The following AHRR variants were observed in gnomAD, a reference collection of about 807,000 sequenced individuals.
The protein encoded by AHRR is ahR repressor.
Under a neutral mutation model 44.0 loss-of-function variants are expected in AHRR, and 28 were observed. The ratio of observed to expected loss-of-function variants is 0.64; its 90% CI spans 0.47 to 0.87. The LOEUF is 0.87. Among genes scored for constraint, AHRR ranks in the 40% least tolerant of loss-of-function variants. The probability of loss-of-function intolerance (pLI) is 0.00; values close to 1 mark genes in which losing one functional copy is unlikely to be tolerated. For synonymous variants in AHRR, 434 were observed against 407.0 expected (o/e 1.07, Z -0.80); for missense variants, 990 against 953.9 (o/e 1.04, Z -0.50).
intron 3 of AHRR, among the ~76,000 whole-genome samples, chr5:362,749 A>G (rs1466506133): frequency 6.6e-6 from 1 of 152,050 alleles, no homozygotes; most frequent in East Asian, 1.9e-4. Flanking sequence ...TACTTTTCCT[A>G]CCTCTTTTAA....
At chr5:334,902 C>G (rs1189151134) in intron 1 of AHRR, among the ~76,000 whole-genome samples, 4 of 152,058 alleles carry the variant, frequency 2.6e-5, no homozygotes, top group Admixed American at 1.3e-4. Context: ...GGGTAGGGCC[C>G]TTTGGATTTA....
At chr5:381,490 T>C (rs141641381) in intron 4 of AHRR, among the ~76,000 whole-genome samples, 2 of 150,224 alleles carry the variant, frequency 1.3e-5, no homozygotes, top group African/African-American at 4.9e-5. Context: ...ACATTAAATA[T>C]ATTAGCTTAG....
intron 4 of AHRR, among the ~76,000 whole-genome samples, chr5:396,873 G>C (rs57833419): frequency 0.091 from 13,720 of 150,178 alleles, 2,010 homozygotes; most frequent in African/African-American, 0.31. Flanking sequence ...AGCTGGGTCA[G>C]AGTGCCCGGC....
chr5:407,380 C>T (rs750377689), intron 4 of AHRR, among the ~76,000 whole-genome samples: 5 of 152,204 alleles, frequency 3.3e-5, no homozygotes, highest in African/African-American at 9.6e-5. Context: ...GTTTTGCACA[C>T]GTCTTAAGTT....
chr5:390,857 C>T (rs1734385450), intron 4 of AHRR, among the ~76,000 whole-genome samples: 1 of 152,188 alleles, frequency 6.6e-6, no homozygotes, highest in South Asian at 2.1e-4. Context: ...AACGCACAAA[C>T]GCCTTCCAAC....
intron 4 of AHRR, among the ~76,000 whole-genome samples, chr5:401,371 G>A (rs1311597401): frequency 2.0e-5 from 3 of 152,210 alleles, no homozygotes; most frequent in Non-Finnish European, 4.4e-5. Context: ...TGCCGGCTCT[G>A]GGCCAGGCTT....
chr5:423,139 C>T (rs1482192388), intron 6 of AHRR, among the ~76,000 whole-genome samples: 3 of 152,180 alleles, frequency 2.0e-5, no homozygotes, highest in Non-Finnish European at 4.4e-5. Context: ...CACCTCACCA[C>T]GAGCTGCAGT....
chr5:390,396 G>A (rs146751900), intron 4 of AHRR, among the ~76,000 whole-genome samples: 8 of 152,218 alleles, frequency 5.3e-5, no homozygotes, highest in East Asian at 1.9e-4. Context: ...CAGGATCCTC[G>A]GAGACCAGTG....
chr5:340,688 A>ATATATATATATATATATATTTTTTTTTTT (rs1269938749), intron 1 of AHRR, among the ~76,000 whole-genome samples: 1 of 12,928 alleles, frequency 7.7e-5, no homozygotes, highest in African/African-American at 4.0e-4. Flanking sequence ...ATATATATAT[A>ATATATATATATATATATATTTTTTTTTTT]TTTTTTTTTT....
rs74651188 is a variant in AHRR, at chr5:350,964, A to G, written c.63-2766A>G. ...AAAAGACTTGAATAGCCATTTCTCC[A>G]AAGAAAATATAAAAATGGACAACAA... On this transcript the variant is annotated intron_variant, in intron 2 of 10. Coordinates refer to ENST00000684583, the MANE Select transcript of AHRR (RefSeq NM_001377236.1). Among the ~76,000 whole-genome samples the G allele has an allele frequency of 1.8e-3, 275 of 151,636 alleles. 7 individuals carry two copies. The East Asian group carries it at 0.044, about 24-fold the overall frequency.
At chr5:346,344 C>G (rs367831085) in intron 2 of AHRR, among the ~76,000 whole-genome samples, 3 of 152,304 alleles carry the variant, frequency 2.0e-5, no homozygotes, top group African/African-American at 7.2e-5. Context: ...AGCACACTAG[C>G]TATTCAAAAC....
intron 3 of AHRR, among the ~76,000 whole-genome samples, chr5:374,978 C>T (rs888647205): frequency 3.9e-5 from 6 of 152,130 alleles, no homozygotes; most frequent in Admixed American, 1.3e-4. Flanking sequence ...TGGGGGCTGC[C>T]GGCCCAGGGA....
chr5:422,202 T>A (rs1736158867), intron 5 of AHRR, among the ~76,000 whole-genome samples: 1 of 152,122 alleles, frequency 6.6e-6, no homozygotes. Flanking sequence ...CCTGGGTGCC[T>A]GTGAGGGTCA....
intron 1 of AHRR, among the ~76,000 whole-genome samples, chr5:329,296 C>G (rs1206708059): frequency 2.0e-5 from 3 of 152,192 alleles, no homozygotes; most frequent in African/African-American, 7.2e-5. Context: ...ATTCCTGGGC[C>G]CAAGAGATTG....
intron 1 of AHRR, among the ~76,000 whole-genome samples, chr5:336,373 A>G (rs975551889): frequency 2.6e-5 from 4 of 152,198 alleles, no homozygotes; most frequent in African/African-American, 9.7e-5. Flanking sequence ...CTTGGAAAAT[A>G]GATTCAAAGT....
chr5:359,314 G>A (rs1709739), intron 3 of AHRR, among the ~76,000 whole-genome samples: 26 of 29,938 alleles, frequency 8.7e-4, no homozygotes, highest in Admixed American at 1.5e-3. Flanking sequence ...TCAGCGACTG[G>A]GGAAGAGCGC....
chr5:339,871 C>T (rs1424224690), intron 1 of AHRR, among the ~76,000 whole-genome samples: 1 of 148,648 alleles, frequency 6.7e-6, no homozygotes, highest in Admixed American at 6.6e-5. Context: ...GTTGAAGCTG[C>T]CCTGAATTCC....
intron 3 of AHRR, among the ~76,000 whole-genome samples, chr5:362,561 T>G (rs1743219827): frequency 6.6e-6 from 1 of 152,200 alleles, no homozygotes; most frequent in South Asian, 2.1e-4. Flanking sequence ...GACTCACAAG[T>G]TTAAAATAAT....
chr5:434,842 A>C lies in AHRR; in HGVS notation c.*8A>C. ...TGCACATTCCTGCCATAGCGCAGTGACCACCATCCAAGCTCAGATCTGTGT... is the reference window on the plus strand; with the variant it reads ...TGCACATTCCTGCCATAGCGCAGTGCCCACCATCCAAGCTCAGATCTGTGT... On this transcript the variant is annotated 3_prime_UTR_variant, in exon 11 of 11. Coordinates refer to ENST00000684583, the MANE Select transcript of AHRR (RefSeq NM_001377236.1). 6 of 1,537,116 alleles carry C rather than the reference A, an allele frequency of 3.9e-6. No homozygotes were observed. The highest frequency in any genetic ancestry group is 5.3e-6 in the Non-Finnish European group (6 of 1,137,370).
Sources: gnomAD v4.1 joint callset for allele counts (sites outside exome capture counted in the v4.1 genomes callset) on GRCh38, gnomAD v4.1.1 for gene constraint, MANE v1.5 for transcripts, NCBI Gene and HGNC (gene_info 2026-07-23, HGNC 2026-07-21) for gene names.